SPRR5: variants seen among roughly 807,000 people sequenced by gnomAD.
The protein encoded by SPRR5 is small proline-rich protein 5.
rs1356494917 is a variant in SPRR5 at position 152,948,377 on chromosome 1, T to TGC, written c.-18-151_-18-150dup. 1.3e-3 allele frequency among the ~76,000 whole-genome samples: 175 copies of TGC among 138,638 alleles called. 1 individual carries two copies. Among genetic ancestry groups the TGC allele is most frequent in the African/African-American group, 4.9e-3 (143 of 29,336 alleles). The allele number at this position is 138,638 out of a possible 152,430, so 91.0% of individuals were successfully genotyped here. On this transcript the variant is annotated intron_variant, in intron 1 of 1. Coordinates refer to ENST00000636302, the Ensembl canonical transcript of SPRR5. ...CTTGTAAACACTTAAAGTTTACACATGCGCGCGCGCACACACACACACACA... is the reference window on the plus strand; with the variant it reads ...CTTGTAAACACTTAAAGTTTACACATGCGCGCGCGCGCACACACACACACACA...
chr1:152,948,942 G>A (rs989342762), exon 2 of SPRR5: 4 of 196,050 alleles, frequency 2.0e-5, no homozygotes, highest in Non-Finnish European at 3.1e-5. Flanking sequence ...GTTCCTTCTG[G>A]GCCAGCATCT....
chr1:152,947,450 C>G (rs1651087495), intron 1 of SPRR5, among the ~76,000 whole-genome samples: 1 of 152,012 alleles, frequency 6.6e-6, no homozygotes, highest in African/African-American at 2.4e-5. Flanking sequence ...CTGGGCTGAG[C>G]AGGGAGAAGG....
chr1:152,948,133 G>T (rs759227008), intron 1 of SPRR5, among the ~76,000 whole-genome samples: 3 of 152,166 alleles, frequency 2.0e-5, no homozygotes, highest in Non-Finnish European at 2.9e-5. Flanking sequence ...CCAGAACTCA[G>T]ATCCCAGGCA....
intron 1 of SPRR5, among the ~76,000 whole-genome samples, chr1:152,947,892 AG>A (rs1264983837): frequency 1.3e-4 from 20 of 152,232 alleles, no homozygotes; most frequent in African/African-American, 4.6e-4. Context: ...AGAGTGGTTA[AG>A]ATGCGCCTTT....
chr1:152,948,730 C>T (rs1651131256), exon 2 of SPRR5: 1 of 136,724 alleles, frequency 7.3e-6, no homozygotes, highest in South Asian at 3.6e-4. Flanking sequence ...CAGTGCTGTC[C>T]CCCACCCCAG....
At chr1:152,948,425 A>C in intron 1 of SPRR5, 112 bp from the exon 2 acceptor site, 2 of 202,298 alleles carry the variant, frequency 9.9e-6, no homozygotes, top group Non-Finnish European at 2.0e-5. Context: ...CTGTGAAGGG[A>C]TCAGGGCAAG....
At chr1:152,947,820 G>T (rs1651096235) in intron 1 of SPRR5, among the ~76,000 whole-genome samples, 1 of 152,158 alleles carries the variant, frequency 6.6e-6, no homozygotes, top group Non-Finnish European at 1.5e-5. Context: ...GTAATTGAGA[G>T]AGGCAAGCTA....
chr1:152,948,382 G>GCACACACACACACACACA (rs1004617547), intron 1 of SPRR5, among the ~76,000 whole-genome samples, 155 bp from the exon 2 acceptor site: 1,763 of 142,094 alleles, frequency 0.012, 36 homozygotes, highest in African/African-American at 0.052. Context: ...ACACATGCGC[G>GCACACACACACACACACA]CGCGCACACA....
chr1:152,948,715 C>T (rs1352682290), exon 2 of SPRR5: 1 of 173,980 alleles, frequency 5.7e-6, no homozygotes, highest in African/African-American at 3.5e-5. Flanking sequence ...TGCCCCCCTC[C>T]CCAGCAGTGC....
chr1:152,947,880 AGAGAGTGGT>A (rs1281034211), intron 1 of SPRR5, among the ~76,000 whole-genome samples: 20 of 152,206 alleles, frequency 1.3e-4, no homozygotes, highest in African/African-American at 4.6e-4. Flanking sequence ...AAACTCCTTT[AGAGAGTGGT>A]TAAGATGCGC....
exon 2 of SPRR5, chr1:152,949,061 A>C (rs1039714807): frequency 2.4e-4 from 37 of 154,982 alleles, no homozygotes; most frequent in Non-Finnish European, 1.6e-4. Flanking sequence ...GGCTTCCTCG[A>C]GCTCTACTCT....
chr1:152,949,232 A>G (rs950560954), exon 2 of SPRR5: 11 of 152,012 alleles, frequency 7.2e-5, no homozygotes, highest in African/African-American at 2.7e-4. Context: ...GTTTTCAAAC[A>G]ATTAAAACAG....
chr1:152,949,177 G>A (rs963306699), exon 2 of SPRR5: 19 of 152,164 alleles, frequency 1.2e-4, no homozygotes, highest in African/African-American at 3.1e-4. Flanking sequence ...AAACATGAGC[G>A]GCATGCACAG....
chr1:152,948,684 T>C, exon 2 of SPRR5: 1 of 111,798 alleles, frequency 8.9e-6, no homozygotes, highest in Middle Eastern at 3.8e-3. Context: ...CCAGCAGTGC[T>C]GCCCGCCGCC....
At chr1:152,948,440 A>AAGC (rs954269116) in intron 1 of SPRR5, 97 bp from the exon 2 acceptor site, 17 of 210,292 alleles carry the variant, frequency 8.1e-5, no homozygotes, top group African/African-American at 2.6e-4. Flanking sequence ...GGCAAGGTAA[A>AAGC]AGCAGAGCAG....
At chr1:152,948,419 G>C (rs1651118130) in intron 1 of SPRR5, 118 bp from the exon 2 acceptor site, 1 of 200,362 alleles carries the variant, frequency 5.0e-6, no homozygotes, top group South Asian at 1.9e-4. Context: ...TTAAATCTGT[G>C]AAGGGATCAG....
chr1:152,947,482 T>C (rs917282528), intron 1 of SPRR5, among the ~76,000 whole-genome samples: 1 of 151,986 alleles, frequency 6.6e-6, no homozygotes, highest in Non-Finnish European at 1.5e-5. Flanking sequence ...TACAAGAGGG[T>C]CAGTATCTCA....
At chr1:152,948,057 A>T (rs1234729986) in intron 1 of SPRR5, among the ~76,000 whole-genome samples, 1 of 152,114 alleles carries the variant, frequency 6.6e-6, no homozygotes, top group Non-Finnish European at 1.5e-5. Context: ...TTTTGCACCA[A>T]CTCTAAGAGA....
intron 1 of SPRR5, among the ~76,000 whole-genome samples, 176 bp from the exon 2 acceptor site, chr1:152,948,361 A>C (rs1181648411): frequency 6.7e-6 from 1 of 148,540 alleles, no homozygotes; most frequent in Non-Finnish European, 1.5e-5. Flanking sequence ...ACTTGTAAAC[A>C]CTTAAAGTTT....
Sources: gnomAD v4.1 joint callset for allele counts (sites outside exome capture counted in the v4.1 genomes callset) on GRCh38, gnomAD v4.1.1 for gene constraint, MANE v1.5 for transcripts, NCBI Gene and HGNC (gene_info 2026-07-23, HGNC 2026-07-21) for gene names.